DNM3: variants seen among roughly 807,000 people sequenced by gnomAD.
DNM3 encodes dynamin-3.
DNM3 carries 47 observed loss-of-function variants against 101.6 expected under a neutral mutation model. The ratio of observed to expected loss-of-function variants is 0.46; its 90% CI spans 0.37 to 0.59. The LOEUF is 0.59. Ranked by LOEUF, DNM3 falls within the 20% of genes least tolerant of loss-of-function variation. The pLI is 0.00. For synonymous variants in DNM3, 385 were observed against 387.9 expected, an observed-to-expected ratio of 0.99 and a Z score of 0.09; for missense variants, 849 against 1,085.7, an observed-to-expected ratio of 0.78 and a Z score of 3.06.
intron 14 of DNM3, among the ~76,000 whole-genome samples, chr1:172,230,115 T>C (rs1262203272): frequency 2.0e-5 from 3 of 152,154 alleles, no homozygotes; most frequent in Non-Finnish European, 1.5e-5. Flanking sequence ...TTGTCATGGT[T>C]TTTTGTTTGT....
At chr1:172,125,924 AT>A (rs2056596114) in intron 13 of DNM3, among the ~76,000 whole-genome samples, 1 of 151,932 alleles carries the variant, frequency 6.6e-6, no homozygotes, top group South Asian at 2.1e-4. Context: ...TTCTTTTCAA[AT>A]TTTATTTAGT....
intron 10 of DNM3, among the ~76,000 whole-genome samples, chr1:172,056,552 C>G (rs1221532275): frequency 6.6e-6 from 1 of 152,160 alleles, no homozygotes; most frequent in Non-Finnish European, 1.5e-5. Flanking sequence ...CCCGAGCAGC[C>G]TAACTGGGAG....
At chr1:172,004,668 C>T (rs1413981068) in intron 4 of DNM3, among the ~76,000 whole-genome samples, 1 of 151,896 alleles carries the variant, frequency 6.6e-6, no homozygotes, top group East Asian at 1.9e-4. Flanking sequence ...TGGAGAAGCA[C>T]CAAGGAGTAA....
chr1:172,017,482 C>T (rs904780551), intron 4 of DNM3, among the ~76,000 whole-genome samples: 3 of 152,054 alleles, frequency 2.0e-5, no homozygotes, highest in African/African-American at 7.2e-5. Flanking sequence ...AGGTTAATCT[C>T]CAAACATTTT....
chr1:172,181,375 TACACAC>T (rs55756017), intron 14 of DNM3, among the ~76,000 whole-genome samples: 28,129 of 147,528 alleles, frequency 0.19, 3,430 homozygotes, highest in Non-Finnish European at 0.28. Flanking sequence ...CACTTGAGTT[TACACAC>T]ACACACACAC....
At chr1:171,928,788 C>T (rs983910429) in intron 2 of DNM3, among the ~76,000 whole-genome samples, 22 of 152,090 alleles carry the variant, frequency 1.4e-4, no homozygotes, top group South Asian at 1.2e-3. Context: ...AGGACCTTCC[C>T]GGTGAGGAGA....
intron 17 of DNM3, among the ~76,000 whole-genome samples, chr1:172,343,650 C>G (rs1439253549): frequency 6.6e-6 from 1 of 152,104 alleles, no homozygotes; most frequent in Non-Finnish European, 1.5e-5. Context: ...AATCCTCAAC[C>G]CTATAACAAA....
intron 4 of DNM3, among the ~76,000 whole-genome samples, chr1:172,026,503 C>T (rs555848438): frequency 3.9e-5 from 6 of 152,126 alleles, no homozygotes; most frequent in African/African-American, 1.4e-4. Context: ...GACACATAAC[C>T]GTCAGACTCA....
At position 171,923,840 on chromosome 1, in the gene DNM3, TC is replaced by T. The variant is rs1276695641; in HGVS notation, c.235+2024del. On this transcript the variant is annotated intron_variant, in intron 2 of 20. Transcript: ENST00000627582. Reference sequence around the variant, plus strand: ...TCAACCTTCACCCCTCTTCCACTCTTCCCCCTTTTGGAGTTCTTTGCATCTG... The same window carrying T: ...TCAACCTTCACCCCTCTTCCACTCTTCCCCTTTTGGAGTTCTTTGCATCTG... Among the ~76,000 whole-genome samples the T allele has an allele frequency of 2.6e-5, 4 of 152,144 alleles. 1 individual carries two copies. The highest frequency in any genetic ancestry group is 5.9e-5 in the Non-Finnish European group (4 of 68,018).
chr1:172,188,580 G>A (rs973258704), intron 14 of DNM3, among the ~76,000 whole-genome samples: 1 of 152,062 alleles, frequency 6.6e-6, no homozygotes, highest in African/African-American at 2.4e-5. Context: ...TTCACCCATA[G>A]AGGGACATCT....
At chr1:172,394,590 T>C (rs986160993) in intron 20 of DNM3, among the ~76,000 whole-genome samples, 1 of 152,074 alleles carries the variant, frequency 6.6e-6, no homozygotes, top group African/African-American at 2.4e-5. Context: ...TAATAGCAAA[T>C]AGCTCTGTCA....
At chr1:172,179,020 C>T (rs567289544) in intron 14 of DNM3, among the ~76,000 whole-genome samples, 43 of 151,986 alleles carry the variant, frequency 2.8e-4, no homozygotes, top group African/African-American at 7.2e-4. Context: ...AAAGCCAGGG[C>T]GGTGATAGTA....
At chr1:172,105,620 A>G (rs1342580063) in intron 13 of DNM3, among the ~76,000 whole-genome samples, 2 of 152,182 alleles carry the variant, frequency 1.3e-5, no homozygotes, top group Non-Finnish European at 2.9e-5. Context: ...GAAGATTAAA[A>G]TCTTGTCATA....
intron 15 of DNM3, among the ~76,000 whole-genome samples, chr1:172,269,069 C>G (rs1212984811): frequency 6.6e-6 from 1 of 152,146 alleles, no homozygotes; most frequent in Admixed American, 6.6e-5. Flanking sequence ...TTCAGTTTCT[C>G]TCTTCCCAAG....
chr1:171,982,291 C>G (rs778160783), intron 2 of DNM3, among the ~76,000 whole-genome samples: 35 of 152,272 alleles, frequency 2.3e-4, no homozygotes, highest in Non-Finnish European at 4.0e-4. Flanking sequence ...ACAACTCGTT[C>G]TATAGAGTTT....
At chr1:172,251,618 A>G (rs1280445996) in intron 14 of DNM3, among the ~76,000 whole-genome samples, 1 of 152,052 alleles carries the variant, frequency 6.6e-6, no homozygotes, top group Non-Finnish European at 1.5e-5. Flanking sequence ...TCTGGCATAA[A>G]CTTGCTGGAG....
chr1:171,987,736 G>C lies in DNM3; in HGVS notation c.316G>C (p.Asp106His), dbSNP rs1194672708. The change falls in exon 3 of 21, where the codon GAT becomes CAT. Residue 106 changes from aspartate (D) to histidine (H), a missense_variant. Physicochemically the swap from Asp to His is moderately conservative, Grantham distance 81. Around this residue, in one of 5 missense-constraint regions of DNM3, gnomAD observed 388 missense variants for 483.0 expected, o/e 0.80. Transcript: ENST00000627582. ...TCGCCTTGAGATTGAAGCAGAAACA[G>C]ATCGCGTGACTGGAATGAATAAAGG... ...EVRLEIEAET[D>H]RVTGMNKGIS... 1 of 1,604,970 alleles carries C rather than the reference G, an allele frequency of 6.2e-7. No individual in the cohort carries two copies. The highest frequency in any genetic ancestry group is 8.5e-7 in the Non-Finnish European group (1 of 1,176,504).
chr1:172,019,192 CCTTT>C (rs2047662307), intron 4 of DNM3, among the ~76,000 whole-genome samples: 1 of 151,112 alleles, frequency 6.6e-6, no homozygotes, highest in South Asian at 2.1e-4. Flanking sequence ...TTCCTTCCTT[CCTTT>C]TCCTTTCTTT....
intron 10 of DNM3, among the ~76,000 whole-genome samples, chr1:172,058,837 A>T (rs577409616): frequency 1.3e-5 from 2 of 151,806 alleles, no homozygotes; most frequent in Admixed American, 1.3e-4. Context: ...GCAAGAAATA[A>T]CTAAAATCAT....
Sources: gnomAD v4.1 joint callset for allele counts (sites outside exome capture counted in the v4.1 genomes callset) on GRCh38, gnomAD v4.1.1 for gene constraint, gnomAD v4.1.1 regional missense constraint, MANE v1.5 for transcripts, NCBI Gene and HGNC (gene_info 2026-07-23, HGNC 2026-07-21) for gene names.